Variants in SPEF2 observed in about 807,000 individuals in gnomAD.
SPEF2 encodes sperm flagellar and cilia associated 2.
Under a neutral mutation model 224.6 loss-of-function variants are expected in SPEF2, and 187 were observed. The observed-to-expected ratio is 0.83, with a 90% CI of 0.74 to 0.94. The LOEUF (loss-of-function observed/expected upper bound fraction) is 0.94. Among genes scored for constraint, SPEF2 ranks in the 40% least tolerant of loss-of-function variants. The probability of loss-of-function intolerance (pLI) is 0.00; values close to 1 mark genes in which losing one functional copy is unlikely to be tolerated. For missense variants in SPEF2, 2,170 were observed against 2,135.6 expected, an observed-to-expected ratio of 1.02 and a Z score of -0.32; for synonymous variants, 715 against 707.3, an observed-to-expected ratio of 1.01 and a Z score of -0.17.
At chr5:35,789,127 A>G in intron 30 of SPEF2, 1 of 698,756 alleles carries the variant, frequency 1.4e-6, no homozygotes. Context: ...GGGAAAGATA[A>G]CCACTATGTT....
chr5:35,724,148 A>G (rs1282386385), intron 20 of SPEF2, among the ~76,000 whole-genome samples: 1 of 152,176 alleles, frequency 6.6e-6, no homozygotes, highest in Admixed American at 6.5e-5. Context: ...AGTCAAAATG[A>G]ATAAAGAAGT....
chr5:35,703,102 ATT>A (rs77487179), intron 16 of SPEF2, among the ~76,000 whole-genome samples: 4 of 101,960 alleles, frequency 3.9e-5, no homozygotes, highest in African/African-American at 1.5e-4. Context: ...TTACTTTTTT[ATT>A]TTTTTTTTTA....
At chr5:35,772,812 C>T (rs1019833074) in intron 27 of SPEF2, among the ~76,000 whole-genome samples, 4 of 152,158 alleles carry the variant, frequency 2.6e-5, no homozygotes, top group Admixed American at 2.6e-4. Flanking sequence ...AGATTAATCT[C>T]TCCTTCATCT....
chr5:35,642,044 C>A (rs77712050), intron 3 of SPEF2, among the ~76,000 whole-genome samples: 353 of 152,116 alleles, frequency 2.3e-3, no homozygotes, highest in African/African-American at 8.2e-3. Context: ...GACTACAGGC[C>A]TAATACTTTT....
chr5:35,723,644 CA>C (rs1744157658), intron 20 of SPEF2, among the ~76,000 whole-genome samples: 1 of 151,954 alleles, frequency 6.6e-6, no homozygotes, highest in African/African-American at 2.4e-5. Flanking sequence ...AATAAAAATC[CA>C]AAGCCCTGAA....
At chr5:35,618,345 C>A (rs895916711) in intron 1 of SPEF2, among the ~76,000 whole-genome samples, 1 of 152,190 alleles carries the variant, frequency 6.6e-6, no homozygotes, top group Non-Finnish European at 1.5e-5. Context: ...GGCATTCTGA[C>A]TTTGTGATGT....
At chr5:35,719,356 A>G (rs1235288286) in intron 20 of SPEF2, among the ~76,000 whole-genome samples, 1 of 152,240 alleles carries the variant, frequency 6.6e-6, no homozygotes, top group African/African-American at 2.4e-5. Flanking sequence ...AAAAATCATC[A>G]CAGGACTGAA....
intron 10 of SPEF2, chr5:35,675,984 G>A (rs1435563085): frequency 2.2e-6 from 1 of 456,094 alleles, no homozygotes; most frequent in African/African-American, 2.0e-5. Context: ...TATTAACACT[G>A]GAGACAAGGT....
chr5:35,715,627 TAGA>T (rs1216237805), intron 20 of SPEF2, among the ~76,000 whole-genome samples: 1 of 152,030 alleles, frequency 6.6e-6, no homozygotes, highest in Non-Finnish European at 1.5e-5. Context: ...TTTGGCTGAC[TAGA>T]AGTTCAGAAA....
chr5:35,729,396 C>T (rs760456699), intron 21 of SPEF2, among the ~76,000 whole-genome samples: 7 of 152,208 alleles, frequency 4.6e-5, no homozygotes, highest in Non-Finnish European at 7.4e-5. Flanking sequence ...GGATGCAGTG[C>T]GACCCTGCAA....
chr5:35,684,405 G>C (rs1420763707), intron 10 of SPEF2, among the ~76,000 whole-genome samples: 1 of 152,144 alleles, frequency 6.6e-6, no homozygotes, highest in African/African-American at 2.4e-5. Context: ...CACAGGTCAG[G>C]CTTCAGTTCT....
At chr5:35,640,275 GACCAAAGC>G (rs1436037508) in intron 2 of SPEF2, among the ~76,000 whole-genome samples, 1 of 152,110 alleles carries the variant, frequency 6.6e-6, no homozygotes, top group Non-Finnish European at 1.5e-5. Context: ...TTATAACCCA[GACCAAAGC>G]TCTGACAGAT....
At chr5:35,687,426 T>C (rs1231563873) in intron 10 of SPEF2, among the ~76,000 whole-genome samples, 1 of 119,518 alleles carries the variant, frequency 8.4e-6, no homozygotes, top group African/African-American at 4.0e-5. Flanking sequence ...TTTTAATGGA[T>C]TTTTTTTTTT....
At position 35,712,836 on chromosome 5, in the gene SPEF2, CT is replaced by C. The variant is rs1171287724; in HGVS notation, c.2865del (p.Leu956PhefsTer30). The stretch of plus-strand genomic sequence containing the variant: ...GAAGCCCCGCATGGTAAGCAAGAAT[CT>C]CTTCAGGAAGGAAAAGGGAAGAAAG... ...QSEAPHGKQE[S>X]LQEGKGKKGE... On this transcript the variant is annotated frameshift_variant, in exon 20 of 37. Coordinates refer to ENST00000356031, the MANE Select transcript of SPEF2 (RefSeq NM_024867.4). LOFTEE classifies it high-confidence loss of function. 6.8e-6 allele frequency: 11 copies of C among 1,613,680 alleles called. No individual in the cohort carries two copies. Among genetic ancestry groups the C allele is most frequent in the Non-Finnish European group, 9.3e-6 (11 of 1,179,940 alleles).
intron 30 of SPEF2, chr5:35,788,628 T>C (rs2149822579): frequency 1.4e-6 from 1 of 702,976 alleles, no homozygotes; most frequent in African/African-American, 1.7e-5. Flanking sequence ...AATCTTCAAC[T>C]TAGACTGTCG....
At chr5:35,671,480 A>G in intron 10 of SPEF2, 1 of 982,640 alleles carries the variant, frequency 1.0e-6, no homozygotes, top group Non-Finnish European at 1.2e-6. Flanking sequence ...ACATCCACCT[A>G]AAGTATAATG....
intron 20 of SPEF2, among the ~76,000 whole-genome samples, chr5:35,714,530 T>A (rs907824369): frequency 1.4e-4 from 22 of 152,072 alleles, no homozygotes; most frequent in Non-Finnish European, 1.2e-4. Flanking sequence ...TGATTTTTTT[T>A]ATTGAAAATT....
chr5:35,753,811 T>C, intron 24 of SPEF2, 50 bp downstream of exon 24: 1 of 1,609,588 alleles, frequency 6.2e-7, no homozygotes, highest in Non-Finnish European at 8.5e-7. Flanking sequence ...CACAGCCTCA[T>C]TCCTCAGTCC....
chr5:35,795,325 G>T (rs1756514078), intron 32 of SPEF2, among the ~76,000 whole-genome samples: 1 of 152,140 alleles, frequency 6.6e-6, no homozygotes, highest in South Asian at 2.1e-4. Flanking sequence ...TTTAATGGGG[G>T]CACAGACTCC....
Sources: gnomAD v4.1 joint callset for allele counts (sites outside exome capture counted in the v4.1 genomes callset) on GRCh38, gnomAD v4.1.1 for gene constraint, MANE v1.5 for transcripts, NCBI Gene and HGNC (gene_info 2026-07-23, HGNC 2026-07-21) for gene names.